Variants in CASTOR2 observed in about 807,000 individuals in gnomAD.
The protein encoded by CASTOR2 is GATS protein like 2.
A neutral mutation model predicts 31.2 loss-of-function variants in CASTOR2; 8 were observed. The observed-to-expected ratio is 0.26, with a 90% CI of 0.15 to 0.46. CASTOR2 has a LOEUF of 0.46. CASTOR2 is among the 20% of genes least tolerant of loss of function. The probability of loss-of-function intolerance (pLI) is 0.99; values close to 1 mark genes in which losing one functional copy is unlikely to be tolerated. For missense variants in CASTOR2, 216 were observed against 382.1 expected, an observed-to-expected ratio of 0.57 and a Z score of 3.62; for synonymous variants, 162 against 158.7, an observed-to-expected ratio of 1.02 and a Z score of -0.16.
chr7:75,028,116 ATTT>A lies in CASTOR2; in HGVS notation c.*3434_*3436del, dbSNP rs71098023. On this transcript the variant is annotated 3_prime_UTR_variant, in exon 9 of 9. Transcript: ENST00000616305. ...GGAAGAGGGCTCTCTATGATGTGGA[ATTT>A]TTTTTTTTTTTTTTTTGAGACGGAG... 1.7e-3 allele frequency: 2,100 copies of A among 1,252,944 alleles called. No homozygotes were observed. Among genetic ancestry groups the A allele is most frequent in the East Asian group, 2.7e-3 (99 of 36,174 alleles). The allele number at this position is 1,252,944 out of a possible 1,614,324, so 77.6% of individuals were successfully genotyped here.
chr7:74,983,879 C>T (rs1804003452), intron 1 of CASTOR2, among the ~76,000 whole-genome samples: 1 of 151,426 alleles, frequency 6.6e-6, no homozygotes, highest in African/African-American at 2.4e-5. Flanking sequence ...CTCCTGGACT[C>T]AAGGGTTCCT....
At chr7:75,007,783 G>C in intron 1 of CASTOR2, 1 of 681,706 alleles carries the variant, frequency 1.5e-6, no homozygotes. Flanking sequence ...GGGGTATAGT[G>C]GGGACAATCA....
intron 1 of CASTOR2, among the ~76,000 whole-genome samples, chr7:74,987,512 G>C (rs1276980023): frequency 6.6e-6 from 1 of 152,166 alleles, no homozygotes; most frequent in East Asian, 1.9e-4. Context: ...TTCTCCTGCA[G>C]TCTGGGCCTT....
chr7:75,020,711 G>A (rs1279111122), intron 6 of CASTOR2, among the ~76,000 whole-genome samples: 1 of 151,968 alleles, frequency 6.6e-6, no homozygotes, highest in Non-Finnish European at 1.5e-5. Context: ...AGATGGTCTG[G>A]ATCTCCTGAC....
At chr7:74,991,075 A>G (rs1346835849) in intron 1 of CASTOR2, among the ~76,000 whole-genome samples, 3 of 18,020 alleles carry the variant, frequency 1.7e-4, no homozygotes, top group African/African-American at 2.1e-4. Context: ...CCCTGTCTGG[A>G]AAAAAAAAAA....
rs929130526 is a variant in CASTOR2 at position 75,026,147 on chromosome 7, T to G, written c.*1448T>G. Among the ~76,000 whole-genome samples, 10 of 149,556 alleles carry G rather than the reference T, an allele frequency of 6.7e-5. No homozygotes were observed. Among genetic ancestry groups the G allele is most frequent in the Non-Finnish European group, 1.2e-4 (8 of 67,516 alleles). On this transcript the variant is annotated 3_prime_UTR_variant, in exon 9 of 9. Transcript: ENST00000616305. The stretch of plus-strand genomic sequence containing the variant: ...CCTTCCAGTGGGGTGGTTTTCTGAA[T>G]GAGCAGGACCAAGGGCCCCTGTGGT...
At position 74,990,893 on chromosome 7, in the gene CASTOR2, T is replaced by C. The variant is rs1474685776; in HGVS notation, c.114-17101T>C. 1.6e-3 allele frequency among the ~76,000 whole-genome samples: 246 copies of C among 151,714 alleles called. 1 individual carries two copies. The highest frequency in any genetic ancestry group is 5.8e-3 in the African/African-American group (238 of 41,368). ...AAAATAAGAAATTAGTTGGGTGTGG[T>C]GGCACACGCCTATAGTCCCAGCATA... On this transcript the variant is annotated intron_variant, in intron 1 of 8. Transcript: ENST00000616305.
intron 1 of CASTOR2, among the ~76,000 whole-genome samples, chr7:75,004,767 A>G (rs1298494692): frequency 7.3e-5 from 11 of 151,018 alleles, no homozygotes; most frequent in African/African-American, 1.7e-4. Flanking sequence ...TTTACATTCA[A>G]GTTTATCAAG....
At position 75,027,620 on chromosome 7, in the gene CASTOR2, G is replaced by C. The variant is rs907600735; in HGVS notation, c.*2921G>C. 1.9e-5 allele frequency: 4 copies of C among 207,104 alleles called. No homozygotes were observed. Among genetic ancestry groups the C allele is most frequent in the Admixed American group, 1.1e-4 (2 of 18,806 alleles). The allele number at this position is 207,104 out of a possible 1,614,324, so 12.8% of individuals were successfully genotyped here. On this transcript the variant is annotated 3_prime_UTR_variant, in exon 9 of 9. Transcript: ENST00000616305. Reference sequence around the variant, plus strand: ...TGGAGAAAAGCATGTGTGTCGGGGCGCGCTGGGGCCAGGGTATGGCTCTCC... The same window carrying C: ...TGGAGAAAAGCATGTGTGTCGGGGCCCGCTGGGGCCAGGGTATGGCTCTCC...
intron 1 of CASTOR2, among the ~76,000 whole-genome samples, chr7:74,970,175 G>A (rs1322854328): frequency 1.3e-5 from 1 of 79,486 alleles, no homozygotes; most frequent in African/African-American, 3.2e-5. Flanking sequence ...GGGGCTGGAA[G>A]ATATGTCGTT....
rs1803544178 is a variant in CASTOR2, at chr7:74,964,748, TCGGCCCCTCGGCTGCTGCTCC to T, written c.-237_-217del. On this transcript the variant is annotated 5_prime_UTR_variant, in exon 1 of 9. Transcript: ENST00000616305. The stretch of plus-strand genomic sequence containing the variant: ...GCGCCGCGCGCCGCTGCTCCGCCGC[TCGGCCCCTCGGCTGCTGCTCC>T]GCCGGCGCTGCCTCCCTCGCCCCGC... 1 of 87,654 alleles carries T rather than the reference TCGGCCCCTCGGCTGCTGCTCC, an allele frequency of 1.1e-5. No individual in the cohort carries two copies. Among genetic ancestry groups the T allele is most frequent in the Non-Finnish European group, 2.2e-5 (1 of 45,222 alleles). The allele number at this position is 87,654 out of a possible 1,614,324, so 5.4% of individuals were successfully genotyped here. A position where few individuals can be genotyped will look rare whatever the true frequency, so the allele number is the denominator to read the frequency against.
chr7:75,011,819 T>C (rs1160422092), intron 2 of CASTOR2, among the ~76,000 whole-genome samples: 3 of 148,964 alleles, frequency 2.0e-5, no homozygotes, highest in Admixed American at 6.7e-5. Context: ...AATACAAAAT[T>C]AGCTGGGCGT....
At chr7:75,013,881 C>G (rs1380510579) in intron 2 of CASTOR2, among the ~76,000 whole-genome samples, 1 of 151,996 alleles carries the variant, frequency 6.6e-6, no homozygotes, top group Non-Finnish European at 1.5e-5. Context: ...GCACGCACCA[C>G]CACACCCGGC....
chr7:74,998,458 C>T (rs1474817651), intron 1 of CASTOR2, among the ~76,000 whole-genome samples: 6 of 152,090 alleles, frequency 3.9e-5, no homozygotes, highest in South Asian at 4.2e-4. Flanking sequence ...ACAAAATTAG[C>T]GGGGCATGGT....
At chr7:75,016,213 G>C (rs1258131536) in intron 2 of CASTOR2, among the ~76,000 whole-genome samples, 1 of 152,328 alleles carries the variant, frequency 6.6e-6, no homozygotes, top group Non-Finnish European at 1.5e-5. Flanking sequence ...GCCTGGGCTC[G>C]AGTCTGCAGC....
At chr7:75,003,302 C>T (rs1283221281) in intron 1 of CASTOR2, among the ~76,000 whole-genome samples, 6 of 152,056 alleles carry the variant, frequency 3.9e-5, no homozygotes, top group African/African-American at 9.6e-5. Flanking sequence ...AAAAATTAGC[C>T]GGCTGGGCTT....
chr7:74,991,196 C>G (rs1284219954), intron 1 of CASTOR2, among the ~76,000 whole-genome samples: 1 of 152,180 alleles, frequency 6.6e-6, no homozygotes, highest in Non-Finnish European at 1.5e-5. Flanking sequence ...AGGTGCCCTG[C>G]CTGCCTGGTA....
rs2131965866 is a variant in CASTOR2 at position 75,031,034 on chromosome 7, C to T, written c.*6335C>T. The stretch of plus-strand genomic sequence containing the variant: ...GGCCAAGGCCAGTGCGGTTTCCCTT[C>T]CACTGCCTCAGTTTACCTGTATTCA... On this transcript the variant is annotated 3_prime_UTR_variant, in exon 9 of 9. Transcript: ENST00000616305. Among the ~76,000 whole-genome samples the T allele has an allele frequency of 6.6e-6, 1 of 152,366 alleles. No individual in the cohort carries two copies. The highest frequency in any genetic ancestry group is 1.5e-5 in the Non-Finnish European group (1 of 68,040).
chr7:75,027,909 G>A lies in CASTOR2; in HGVS notation c.*3210G>A. On this transcript the variant is annotated 3_prime_UTR_variant, in exon 9 of 9. Transcript: ENST00000616305. Reference sequence around the variant, plus strand: ...TTGTCCCCCAGCTATCTCCTGGTCTGCTGGGTGGGAGGGTCTCTCCAGGCC... The same window carrying A: ...TTGTCCCCCAGCTATCTCCTGGTCTACTGGGTGGGAGGGTCTCTCCAGGCC... The A allele has an allele frequency of 9.1e-7, 1 of 1,094,522 alleles. No individual in the cohort carries two copies. The highest frequency in any genetic ancestry group is 1.3e-6 in the Non-Finnish European group (1 of 746,856). 67.8% of individuals were successfully genotyped at this position (1,094,522 alleles called of 1,614,324 possible). A position where few individuals can be genotyped will look rare whatever the true frequency, so the allele number is the denominator to read the frequency against.
Sources: allele counts gnomAD v4.1 joint callset (sites outside exome capture counted in the v4.1 genomes callset), GRCh38; gene constraint gnomAD v4.1.1; transcripts MANE v1.5; gene names NCBI Gene and HGNC (gene_info 2026-07-23, HGNC 2026-07-21).